SCML4: variants seen among roughly 807,000 people sequenced by gnomAD.
SCML4 encodes the protein Scm polycomb group protein like 4.
Under a neutral mutation model 41.1 loss-of-function variants are expected in SCML4, and 34 were observed. The ratio of observed to expected loss-of-function variants is 0.83; its 90% CI spans 0.63 to 1.10. SCML4 has a LOEUF of 1.10. Among genes scored for constraint, SCML4 ranks in the 50% least tolerant of loss-of-function variants. SCML4 has a pLI of 0.00. For missense variants in SCML4, 522 were observed against 534.1 expected, an observed-to-expected ratio of 0.98 and a Z score of 0.22; for synonymous variants, 214 against 220.9, an observed-to-expected ratio of 0.97 and a Z score of 0.28.
chr6:107,744,499 G>A (rs2114490914), intron 5 of SCML4, among the ~76,000 whole-genome samples: 1 of 152,300 alleles, frequency 6.6e-6, no homozygotes, highest in Non-Finnish European at 1.5e-5. Flanking sequence ...CACATGGGTA[G>A]GTGTCTGAGA....
In SCML4 at chr6:107,705,016, C is replaced by A. The variant is rs187419279; in HGVS notation, c.*184G>T. 528 of 671,480 alleles carry A rather than the reference C, an allele frequency of 7.9e-4. 1 individual carries two copies. Among genetic ancestry groups the A allele is most frequent in the South Asian group, 1.5e-3 (87 of 56,654 alleles). 41.6% of individuals were successfully genotyped at this position (671,480 alleles called of 1,614,324 possible). ...AAATTATGAACACAGAGGAGCCTCT[C>A]GAAAAGGTCCATGTTAAATTCTTCA... is the stretch of plus-strand genomic sequence containing the variant. On this transcript the variant is annotated 3_prime_UTR_variant, in exon 8 of 8. Coordinates refer to ENST00000369020, the MANE Select transcript of SCML4 (RefSeq NM_198081.5).
At chr6:107,823,503 T>C (rs1276066629) in intron 1 of SCML4, among the ~76,000 whole-genome samples, 4 of 152,120 alleles carry the variant, frequency 2.6e-5, no homozygotes, top group South Asian at 2.1e-4. Context: ...CCAGTTTTTT[T>C]CCCAAAAAAC....
At chr6:107,820,413 T>C (rs1784861825) in intron 1 of SCML4, among the ~76,000 whole-genome samples, 1 of 152,160 alleles carries the variant, frequency 6.6e-6, no homozygotes, top group Non-Finnish European at 1.5e-5. Context: ...CGTATGCATG[T>C]CTGAGAAGGG....
the SCML4 span, among the ~76,000 whole-genome samples, chr6:107,835,679 C>A: frequency 6.9e-6 from 1 of 144,622 alleles, no homozygotes; most frequent in East Asian, 2.1e-4. Flanking sequence ...ATGGGATGAT[C>A]ACTTGAGCCA....
intron 6 of SCML4, among the ~76,000 whole-genome samples, chr6:107,716,950 T>C (rs1339959618): frequency 6.6e-6 from 1 of 151,984 alleles, no homozygotes; most frequent in Non-Finnish European, 1.5e-5. Flanking sequence ...CATGGCTGAC[T>C]GGCTGTTTCT....
chr6:107,787,508 CTATT>C (rs907028213), intron 1 of SCML4, among the ~76,000 whole-genome samples: 2 of 152,162 alleles, frequency 1.3e-5, no homozygotes, highest in African/African-American at 4.8e-5. Flanking sequence ...GTTTTGTTCT[CTATT>C]TATACTTTAC....
intron 3 of SCML4, among the ~76,000 whole-genome samples, chr6:107,747,516 T>TA (rs1778248676): frequency 1.3e-5 from 2 of 151,954 alleles, no homozygotes; most frequent in South Asian, 4.2e-4. Flanking sequence ...TTTATTTATT[T>TA]ATAGGTTATA....
At chr6:107,768,231 G>A (rs1164028630) in intron 2 of SCML4, among the ~76,000 whole-genome samples, 1 of 152,156 alleles carries the variant, frequency 6.6e-6, no homozygotes, top group Non-Finnish European at 1.5e-5. Flanking sequence ...TCCAGCCTAG[G>A]TGACAAGCAA....
intron 6 of SCML4, among the ~76,000 whole-genome samples, chr6:107,710,521 A>G (rs1774122810): frequency 9.4e-6 from 1 of 105,880 alleles, no homozygotes. Context: ...CACACCTGTA[A>G]TCCCAGCACT....
At chr6:107,800,804 A>G (rs1214050056) in intron 1 of SCML4, among the ~76,000 whole-genome samples, 1 of 152,224 alleles carries the variant, frequency 6.6e-6, no homozygotes, top group Non-Finnish European at 1.5e-5. Flanking sequence ...AGAGGAAAAA[A>G]GGACTTTTTC....
chr6:107,712,406 A>C (rs1774311934), intron 6 of SCML4, among the ~76,000 whole-genome samples: 1 of 152,090 alleles, frequency 6.6e-6, no homozygotes, highest in Non-Finnish European at 1.5e-5. Flanking sequence ...CTTCAACTAC[A>C]GTGTTGAAGG....
At chr6:107,759,509 G>A (rs1779407039) in intron 2 of SCML4, among the ~76,000 whole-genome samples, 1 of 152,174 alleles carries the variant, frequency 6.6e-6, no homozygotes, top group Admixed American at 6.5e-5. Context: ...GAATTGATTG[G>A]ATTCAGGGTG....
chr6:107,750,348 G>A (rs562245260), intron 2 of SCML4, among the ~76,000 whole-genome samples: 1 of 152,342 alleles, frequency 6.6e-6, no homozygotes, highest in African/African-American at 2.4e-5. Context: ...AAACTAGGCT[G>A]GATGTGGACA....
chr6:107,806,186 TC>T (rs35905486), intron 1 of SCML4, among the ~76,000 whole-genome samples: 8,094 of 28,950 alleles, frequency 0.28, 759 homozygotes, highest in African/African-American at 0.35. Context: ...AACAGAGATT[TC>T]CCCCCCCCCA....
At chr6:107,843,378 C>A in the SCML4 span, among the ~76,000 whole-genome samples, 1 of 152,130 alleles carries the variant, frequency 6.6e-6, no homozygotes, top group Non-Finnish European at 1.5e-5. Flanking sequence ...TGTTCCACTG[C>A]CCCTTTAAAG....
intron 5 of SCML4, among the ~76,000 whole-genome samples, chr6:107,735,460 G>GT (rs138028585): frequency 0.045 from 6,794 of 150,288 alleles, 298 homozygotes; most frequent in East Asian, 0.13. Context: ...TTCCAGTTCT[G>GT]TTTTTTTTTC....
intron 1 of SCML4, among the ~76,000 whole-genome samples, chr6:107,821,269 G>A (rs62426354): frequency 0.094 from 14,325 of 152,082 alleles, 972 homozygotes; most frequent in Non-Finnish European, 0.15. Context: ...TCTCCCAGGG[G>A]CTGATTTAAT....
chr6:107,726,259 C>T (rs1011278975), intron 5 of SCML4, among the ~76,000 whole-genome samples: 2 of 151,842 alleles, frequency 1.3e-5, no homozygotes, highest in African/African-American at 2.4e-5. Flanking sequence ...CTGGGCTGGG[C>T]GCGGTGGCTC....
chr6:107,727,531 C>G (rs1409123250), intron 5 of SCML4, among the ~76,000 whole-genome samples: 1 of 151,932 alleles, frequency 6.6e-6, no homozygotes, highest in Non-Finnish European at 1.5e-5. Context: ...CGTTGGCCAC[C>G]AGGACACACA....
Sources: allele counts gnomAD v4.1 joint callset (sites outside exome capture counted in the v4.1 genomes callset), GRCh38; gene constraint gnomAD v4.1.1; transcripts MANE v1.5; gene names NCBI Gene and HGNC (gene_info 2026-07-23, HGNC 2026-07-21).